PCDHGA2: variants seen among roughly 807,000 people sequenced by gnomAD.
PCDHGA2 encodes protocadherin gamma-A2.
Under a neutral mutation model 59.2 loss-of-function variants are expected in PCDHGA2, and 40 were observed. The ratio of observed to expected loss-of-function variants is 0.68; its 90% confidence interval spans 0.52 to 0.88. The LOEUF is 0.88. Among genes scored for constraint, PCDHGA2 ranks in the 40% least tolerant of loss-of-function variants. The pLI, the probability that PCDHGA2 is intolerant of heterozygous loss-of-function variation, is 0.00. For missense variants in PCDHGA2, 1,226 were observed against 1,204.0 expected, an observed-to-expected ratio of 1.02 and a Z score of -0.27; for synonymous variants, 560 against 526.0, an observed-to-expected ratio of 1.06 and a Z score of -0.89.
chr5:141,494,792 C>A lies in PCDHGA2; in HGVS notation c.2425-15C>A. The A allele has an allele frequency of 6.2e-7, 1 of 1,614,132 alleles. No individual in the cohort carries two copies. Among genetic ancestry groups the A allele is most frequent in the East Asian group, 2.2e-5 (1 of 44,878 alleles). Reference sequence around the variant, plus strand: ...TCACGGGTACTCAGCCCCTTTCCCTCTGTTTTCTCCACAGCAAGCCCCGCC... The same window carrying A: ...TCACGGGTACTCAGCCCCTTTCCCTATGTTTTCTCCACAGCAAGCCCCGCC... On this transcript the variant is annotated splice_polypyrimidine_tract_variant and intron_variant, in intron 1 of 3. Transcript: ENST00000394576.
chr5:141,413,298 G>A (rs1672233901), intron 1 of PCDHGA2: 3 of 1,613,950 alleles, frequency 1.9e-6, no homozygotes, highest in Non-Finnish European at 2.5e-6. Context: ...CAATTCCTGA[G>A]GAATTAGAGA....
Position 141,447,048 on chromosome 5 carries a change from A to G in PCDHGA2, c.2425-47759A>G, listed in dbSNP as rs149112101. Among the ~76,000 whole-genome samples, 216 of 152,182 alleles carry G rather than the reference A, an allele frequency of 1.4e-3. 1 individual carries two copies. Among genetic ancestry groups the G allele is most frequent in the African/African-American group, 4.8e-3 (198 of 41,512 alleles). On this transcript the variant is annotated intron_variant, in intron 1 of 3. Transcript: ENST00000394576. ...GTTTTTTTTCTGTGTCTGGAATTCT[A>G]TTAAAATGTGTCAGGCTGTTTTAAT...
rs956263164 is a variant in PCDHGA2 at position 141,511,304 on chromosome 5, C to G, written c.*131C>G. The G allele has an allele frequency of 3.3e-5, 49 of 1,490,320 alleles. No homozygotes were observed. The highest frequency in any genetic ancestry group is 4.2e-5 in the African/African-American group (3 of 71,286). The allele number at this position is 1,490,320 out of a possible 1,614,324, so 92.3% of individuals were successfully genotyped here. ...TGGTAGGGGCCAAGGCCATGCTCCC[C>G]TTGGGAAACAGAAACAAGTGCCCAG... On this transcript the variant is annotated 3_prime_UTR_variant, in exon 4 of 4. Coordinates refer to ENST00000394576, the MANE Select transcript of PCDHGA2 (RefSeq NM_018915.4).
chr5:141,421,338 A>G (rs560707757), intron 1 of PCDHGA2: 2 of 1,613,966 alleles, frequency 1.2e-6, no homozygotes, highest in Non-Finnish European at 1.7e-6. Context: ...ATTCGGTGCC[A>G]GAAGAGACCG....
intron 1 of PCDHGA2, among the ~76,000 whole-genome samples, chr5:141,354,431 C>T (rs1249877001): frequency 6.6e-6 from 1 of 152,232 alleles, no homozygotes; most frequent in Non-Finnish European, 1.5e-5. Flanking sequence ...AAATTCTCTT[C>T]CCAAACCTAT....
intron 1 of PCDHGA2, among the ~76,000 whole-genome samples, chr5:141,349,530 T>C (rs1758312666): frequency 6.6e-6 from 1 of 152,234 alleles, no homozygotes; most frequent in Non-Finnish European, 1.5e-5. Flanking sequence ...AAAGATTATC[T>C]ATATTTTATA....
chr5:141,370,833 C>G (rs1305609320), intron 1 of PCDHGA2: 2 of 1,614,064 alleles, frequency 1.2e-6, no homozygotes. Context: ...CGAACTGGCT[C>G]TCACTGGAGC....
chr5:141,357,966 G>T (rs1480314372), intron 1 of PCDHGA2, among the ~76,000 whole-genome samples: 1 of 152,286 alleles, frequency 6.6e-6, no homozygotes, highest in East Asian at 1.9e-4. Flanking sequence ...GAGGAGGACG[G>T]ATTGCCTGAG....
chr5:141,362,085 A>T, intron 1 of PCDHGA2: 1 of 1,613,154 alleles, frequency 6.2e-7, no homozygotes, highest in Non-Finnish European at 8.5e-7. Context: ...GTGATGGAGG[A>T]CAGCCGCCAC....
chr5:141,415,078 G>T (rs780547982), intron 1 of PCDHGA2: 2 of 1,613,376 alleles, frequency 1.2e-6, no homozygotes, highest in Non-Finnish European at 8.5e-7. Context: ...CACGGCGCGA[G>T]CCCTGCTGGA....
chr5:141,411,743 G>A (rs2095510866), intron 1 of PCDHGA2: 2 of 152,860 alleles, frequency 1.3e-5, no homozygotes, highest in Non-Finnish European at 2.9e-5. Flanking sequence ...TTAGCAGGGT[G>A]TGGTGGCACA....
chr5:141,384,218 T>C (rs1245580303), intron 1 of PCDHGA2: 2 of 1,613,904 alleles, frequency 1.2e-6, no homozygotes, highest in Non-Finnish European at 1.7e-6. Context: ...CACATATTCA[T>C]GCAGGTGGCA....
intron 1 of PCDHGA2, chr5:141,371,701 A>C: frequency 6.2e-7 from 1 of 1,614,064 alleles, no homozygotes; most frequent in Non-Finnish European, 8.5e-7. Flanking sequence ...TCCTCCAGCA[A>C]GACCATCACT....
intron 1 of PCDHGA2, among the ~76,000 whole-genome samples, chr5:141,346,783 A>G (rs780472222): frequency 6.6e-6 from 1 of 152,234 alleles, no homozygotes; most frequent in Non-Finnish European, 1.5e-5. Context: ...TCCTTGAGTA[A>G]CTATGATGAG....
intron 1 of PCDHGA2, among the ~76,000 whole-genome samples, chr5:141,401,154 C>A (rs753624238): frequency 6.6e-5 from 10 of 152,086 alleles, no homozygotes; most frequent in Non-Finnish European, 1.5e-4. Context: ...CCAGCCTGGG[C>A]AATATGGTGA....
intron 1 of PCDHGA2, among the ~76,000 whole-genome samples, chr5:141,462,117 C>G (rs965365318): frequency 6.6e-6 from 1 of 152,170 alleles, no homozygotes; most frequent in African/African-American, 2.4e-5. Flanking sequence ...GCCACTGCAC[C>G]CAGTCCAATT....
At chr5:141,433,128 C>T (rs773994964) in intron 1 of PCDHGA2, 3 of 1,614,158 alleles carry the variant, frequency 1.9e-6, no homozygotes, top group Non-Finnish European at 1.7e-6. Flanking sequence ...AAAAGCGAGC[C>T]CCTTTTGCTG....
rs756144117 is a variant in PCDHGA2, at chr5:141,485,181, G to A, written c.2425-9626G>A. On this transcript the variant is annotated intron_variant, in intron 1 of 3. Transcript: ENST00000394576. This position sits in a 1 kb window ranked among gnomAD's most constrained non-coding sequence, Gnocchi z 5.7. ...AATTAGCGGGCGGCAGCAATGCTCC[G>A]CAAGGTGAGAAGCTGGACAGAAATC... 3.1e-6 allele frequency: 5 copies of A among 1,612,942 alleles called. No individual in the cohort carries two copies. The South Asian group carries it at 4.4e-5, about 14-fold the overall frequency.
At chr5:141,427,952 T>C (rs1311471634) in intron 1 of PCDHGA2, 38 of 1,587,018 alleles carry the variant, frequency 2.4e-5, no homozygotes, top group Non-Finnish European at 2.8e-5. Flanking sequence ...TCAATGACAA[T>C]GTGCCGCGGG....
Sources: allele counts gnomAD v4.1 joint callset (sites outside exome capture counted in the v4.1 genomes callset), GRCh38; gene constraint gnomAD v4.1.1; non-coding constraint Gnocchi (gnomAD v3.1); transcripts MANE v1.5; gene names NCBI Gene and HGNC (gene_info 2026-07-23, HGNC 2026-07-21).